Variants in RBFOX1 observed in about 807,000 individuals in gnomAD.
RBFOX1 encodes RNA binding protein fox-1 homolog 1.
A neutral mutation model predicts 57.7 loss-of-function variants in RBFOX1; 8 were observed. That is an observed-to-expected ratio of 0.14 (90% CI 0.08 to 0.25). The LOEUF (loss-of-function observed/expected upper bound fraction) is 0.25, where lower values mean the gene tolerates loss of function less well. Among genes scored for constraint, RBFOX1 ranks in the 10% least tolerant of loss-of-function variants. The pLI, the probability that RBFOX1 is intolerant of heterozygous loss-of-function variation, is 1.00. For synonymous variants in RBFOX1, 326 were observed against 222.4 expected, an observed-to-expected ratio of 1.47 and a Z score of -4.15; for missense variants, 611 against 548.5, an observed-to-expected ratio of 1.11 and a Z score of -1.14.
At chr16:7,502,880 A>C (rs1401597903) in intron 4 of RBFOX1, among the ~76,000 whole-genome samples, 1 of 151,862 alleles carries the variant, frequency 6.6e-6, no homozygotes, top group African/African-American at 2.4e-5. Flanking sequence ...AAAATTAGCC[A>C]AGTGTGGTGG....
chr16:5,629,372 G>A (rs563645641), intron 3 of RBFOX1, among the ~76,000 whole-genome samples: 1 of 152,296 alleles, frequency 6.6e-6, no homozygotes, highest in Admixed American at 6.5e-5. Context: ...AACCCACACA[G>A]CTCTGCCGTG....
In RBFOX1 at chr16:6,989,105, C is replaced by G. The variant is rs370173066; in HGVS notation, c.-15-62952C>G. The stretch of plus-strand genomic sequence containing the variant: ...AGAGACGGGATTTCGCCATGTTGGG[C>G]AGGTTGGCCTAAACTCTTGACCTCA... On this transcript the variant is annotated intron_variant, in intron 3 of 15. Coordinates refer to ENST00000550418, the MANE Select transcript of RBFOX1 (RefSeq NM_018723.4). Among the ~76,000 whole-genome samples the G allele has an allele frequency of 2.6e-5, 4 of 152,228 alleles. No individual in the cohort carries two copies. In the East Asian group the frequency reaches 5.8e-4, roughly 22 times the overall value.
rs759654438 is a variant in RBFOX1 at position 7,653,943 on chromosome 16, G to A, written c.886G>A (p.Gly296Ser). Residue 296 changes from glycine (G) to serine (S), a missense_variant, in exon 12 of 16, where the codon GGC becomes AGC. By Grantham distance (56) the Gly-to-Ser change is moderately conservative (BLOSUM62 0). Around this residue, in one of 3 missense-constraint regions of RBFOX1, gnomAD observed 267 missense variants for 229.1 expected, o/e 1.17. Coordinates refer to ENST00000550418, the MANE Select transcript of RBFOX1 (RefSeq NM_018723.4). ...AAPPPPIPAYGGVVYQDGFYG... is the reference protein window; with the variant it reads ...AAPPPPIPAYSGVVYQDGFYG... Reference sequence around the variant, plus strand: ...GCCCCCGCCCCCGATCCCGGCCTACGGCGGGTAAGTGGGGCAGCCTCCTGG... The same window carrying A: ...GCCCCCGCCCCCGATCCCGGCCTACAGCGGGTAAGTGGGGCAGCCTCCTGG... 15 of 1,524,484 alleles carry A rather than the reference G, an allele frequency of 9.8e-6. No homozygotes were observed. In the East Asian group the frequency reaches 1.4e-4, roughly 14 times the overall value. The allele number at this position is 1,524,484 out of a possible 1,614,324, so 94.4% of individuals were successfully genotyped here.
intron 4 of RBFOX1, among the ~76,000 whole-genome samples, chr16:7,235,510 T>G (rs2093722122): frequency 6.6e-6 from 1 of 152,196 alleles, no homozygotes; most frequent in Admixed American, 6.5e-5. Flanking sequence ...GTTTTTGACA[T>G]TTTATGGGCC....
chr16:6,909,267 C>CAG (rs1478273842), intron 3 of RBFOX1, among the ~76,000 whole-genome samples: 1 of 152,150 alleles, frequency 6.6e-6, no homozygotes, highest in African/African-American at 2.4e-5. Context: ...TCAAAGCCAG[C>CAG]ATTGTGGCCT....
rs796235371 is a variant in RBFOX1 at position 6,688,034 on chromosome 16, T to C, written c.-16+33384T>C. 3.9e-5 allele frequency among the ~76,000 whole-genome samples: 6 copies of C among 152,360 alleles called. No homozygotes were observed. In the South Asian group the frequency reaches 6.2e-4, roughly 16 times the overall value. ...ACTGTGCTATGCACCTCACCTGTTG[T>C]ATTAGTCCATTCTTGCACTGCCATA... On this transcript the variant is annotated intron_variant, in intron 3 of 15. Transcript: ENST00000550418.
At chr16:7,419,761 C>G (rs907739752) in intron 4 of RBFOX1, among the ~76,000 whole-genome samples, 1 of 152,156 alleles carries the variant, frequency 6.6e-6, no homozygotes, top group Non-Finnish European at 1.5e-5. Flanking sequence ...TCCGTGGCAC[C>G]TCCTATCTGG....
chr16:7,392,306 C>T (rs56291367), intron 4 of RBFOX1, among the ~76,000 whole-genome samples: 12,328 of 152,182 alleles, frequency 0.081, 539 homozygotes, highest in East Asian at 0.2. Flanking sequence ...GCATTTCCCT[C>T]CAGATCACGT....
chr16:7,642,689 T>G (rs1046808685), intron 11 of RBFOX1, among the ~76,000 whole-genome samples: 8 of 148,934 alleles, frequency 5.4e-5, no homozygotes, highest in South Asian at 2.1e-4. Flanking sequence ...ATTATTTGGG[T>G]TTTTTTTTTC....
At chr16:7,365,261 G>A (rs2146945823) in intron 4 of RBFOX1, among the ~76,000 whole-genome samples, 2 of 152,282 alleles carry the variant, frequency 1.3e-5, no homozygotes, top group Middle Eastern at 3.4e-3. Context: ...ACTCAATGGG[G>A]TAATAAATAT....
At chr16:6,188,400 TATTG>T (rs1336435366) in intron 1 of RBFOX1, among the ~76,000 whole-genome samples, 1 of 140,814 alleles carries the variant, frequency 7.1e-6, no homozygotes, top group East Asian at 2.1e-4. Context: ...TATCTGCTGT[TATTG>T]ATTTTGTTTT....
At chr16:6,926,740 C>T (rs1377990026) in intron 3 of RBFOX1, among the ~76,000 whole-genome samples, 4 of 152,136 alleles carry the variant, frequency 2.6e-5, no homozygotes, top group Non-Finnish European at 2.9e-5. Context: ...TGAAAGAGAG[C>T]ACACTTCTTG....
intron 2 of RBFOX1, among the ~76,000 whole-genome samples, chr16:6,372,978 T>A (rs998775895): frequency 6.6e-6 from 1 of 151,910 alleles, no homozygotes; most frequent in African/African-American, 2.4e-5. Flanking sequence ...TATAGTCGGA[T>A]GGGAGGGTGG....
chr16:7,479,918 T>C (rs2063534765), intron 4 of RBFOX1, among the ~76,000 whole-genome samples: 1 of 152,160 alleles, frequency 6.6e-6, no homozygotes, highest in East Asian at 1.9e-4. Flanking sequence ...CCTTCCCAAT[T>C]TGTGTCAGCA....
chr16:7,196,802 A>C (rs1383232324), intron 4 of RBFOX1, among the ~76,000 whole-genome samples: 1 of 152,110 alleles, frequency 6.6e-6, no homozygotes, highest in Non-Finnish European at 1.5e-5. Context: ...ATTTTTTCAC[A>C]CAGATGATTT....
intron 4 of RBFOX1, among the ~76,000 whole-genome samples, chr16:7,064,847 C>T (rs997788458): frequency 2.6e-5 from 4 of 152,192 alleles, no homozygotes; most frequent in African/African-American, 7.2e-5. Flanking sequence ...TATTCTAAAT[C>T]CTATTGCCCT....
intron 2 of RBFOX1, among the ~76,000 whole-genome samples, chr16:6,394,214 G>A (rs2092724296): frequency 1.3e-5 from 2 of 152,144 alleles, no homozygotes; most frequent in African/African-American, 4.8e-5. Context: ...TTGACCTTGA[G>A]CAATCTGCTT....
chr16:6,639,930 A>C (rs1372403175), intron 2 of RBFOX1, among the ~76,000 whole-genome samples: 1 of 152,172 alleles, frequency 6.6e-6, no homozygotes, highest in African/African-American at 2.4e-5. Context: ...CAGTTATGAC[A>C]GGTATTTTGA....
At chr16:7,209,579 C>G (rs945038566) in intron 4 of RBFOX1, among the ~76,000 whole-genome samples, 5 of 152,190 alleles carry the variant, frequency 3.3e-5, no homozygotes, top group African/African-American at 1.2e-4. Context: ...GGCCAACCCT[C>G]ACCTTCTCAT....
Sources: gnomAD v4.1 joint callset for allele counts (sites outside exome capture counted in the v4.1 genomes callset) on GRCh38, gnomAD v4.1.1 for gene constraint, gnomAD v4.1.1 regional missense constraint, MANE v1.5 for transcripts, NCBI Gene and HGNC (gene_info 2026-07-23, HGNC 2026-07-21) for gene names.